The following BOC variants were observed in gnomAD, a reference collection of about 807,000 sequenced individuals.
BOC encodes the protein brother of CDO.
Under a neutral mutation model 112.0 loss-of-function variants are expected in BOC, and 76 were observed. The observed-to-expected ratio is 0.68, with a 90% CI of 0.56 to 0.82. The LOEUF (loss-of-function observed/expected upper bound fraction) is 0.82, where lower values mean the gene tolerates loss of function less well. Ranked by LOEUF, BOC falls within the 40% of genes least tolerant of loss-of-function variation. The probability of loss-of-function intolerance (pLI) is 0.00; values close to 1 mark genes in which losing one functional copy is unlikely to be tolerated. For missense variants in BOC, 1,309 were observed against 1,511.7 expected, an observed-to-expected ratio of 0.87 and a Z score of 2.22; for synonymous variants, 580 against 599.8, an observed-to-expected ratio of 0.97 and a Z score of 0.48.
In BOC at chr3:113,283,564, T is replaced by C. The variant is rs752295890; in HGVS notation, c.2588T>C (p.Leu863Pro). ...DLPYLIVGVV[L>P]GSIVLIIVTF... ...CCCTATCTGATTGTCGGGGTCGTCC[T>C]GGGCTCCATCGTTCTCATCATCGTC... The change falls in exon 16 of 20, where the codon CTG (leucine) becomes CCG (proline). Residue 863 changes from leucine to proline, a missense_variant. Leu to Pro is a moderately conservative substitution (Grantham distance 98). Coordinates refer to ENST00000682979, the MANE Select transcript of BOC (RefSeq NM_001378074.1). 1.2e-6 allele frequency: 2 copies of C among 1,613,954 alleles called. No homozygotes were observed. The highest frequency in any genetic ancestry group is 1.1e-5 in the South Asian group (1 of 91,058).
At chr3:113,265,356 AG>A (rs1268484881) in intron 4 of BOC, among the ~76,000 whole-genome samples, 1 of 151,542 alleles carries the variant, frequency 6.6e-6, no homozygotes, top group African/African-American at 2.4e-5. Context: ...GAAAAGGAGG[AG>A]GAAAAAAAAA....
intron 4 of BOC, among the ~76,000 whole-genome samples, chr3:113,262,550 C>A (rs1463778438): frequency 6.6e-6 from 1 of 152,148 alleles, no homozygotes; most frequent in Non-Finnish European, 1.5e-5. Context: ...AATACTTAGT[C>A]ACTACCCCAA....
chr3:113,220,094 T>C (rs1451268074), intron 2 of BOC, among the ~76,000 whole-genome samples: 1 of 152,102 alleles, frequency 6.6e-6, no homozygotes, highest in Non-Finnish European at 1.5e-5. Flanking sequence ...TGGCAGCTTG[T>C]ACAGAAAACA....
intron 2 of BOC, among the ~76,000 whole-genome samples, chr3:113,247,312 A>T (rs966321957): frequency 2.6e-5 from 4 of 152,168 alleles, no homozygotes; most frequent in Non-Finnish European, 5.9e-5. Context: ...GCAATGATCT[A>T]TATAAATACC....
chr3:113,229,057 G>C (rs1277298362), intron 2 of BOC, among the ~76,000 whole-genome samples: 1 of 152,244 alleles, frequency 6.6e-6, no homozygotes, highest in Non-Finnish European at 1.5e-5. Flanking sequence ...GCAGCAGGCA[G>C]CTTCATTCCT....
At position 113,270,944 on chromosome 3, in the gene BOC, C is replaced by T. The variant is rs373085312; in HGVS notation, c.667C>T (p.Arg223Cys). 117 of 1,614,016 alleles carry T rather than the reference C, an allele frequency of 7.2e-5. No individual in the cohort carries two copies. Among genetic ancestry groups the T allele is most frequent in the Non-Finnish European group, 9.4e-5 (111 of 1,180,038 alleles). The change falls in exon 6 of 20, where the codon CGC becomes TGC. Residue 223 changes from arginine (R) to cysteine (C), a missense_variant and splice_region_variant. Physicochemically the swap from Arg to Cys is radical, Grantham distance 180 (BLOSUM62 -3). Coordinates refer to ENST00000682979, the MANE Select transcript of BOC (RefSeq NM_001378074.1). ...CTCCAGCGACAGGCTACGTGTGCGC[C>T]GTAAGGCCCGGGCCCACCTGCTGGG... ...SGSSDRLRVR[R>C]STAEAARIIY...
At chr3:113,259,085 A>C (rs1429026027) in intron 4 of BOC, among the ~76,000 whole-genome samples, 1 of 152,232 alleles carries the variant, frequency 6.6e-6, no homozygotes, top group Non-Finnish European at 1.5e-5. Flanking sequence ...GTACCCAGAC[A>C]GATCCGTGGT....
In BOC at chr3:113,283,589, C is replaced by T. The variant is rs202234634; in HGVS notation, c.2613C>T (p.Val871=). The change falls in exon 16 of 20, where the codon GTC becomes GTT. Residue 871 remains valine (V), a synonymous_variant. Coordinates refer to ENST00000682979, the MANE Select transcript of BOC (RefSeq NM_001378074.1). The part of the protein sequence containing the change: ...VVLGSIVLII[V]TFIPFCLWRA... ...TGGGCTCCATCGTTCTCATCATCGT[C>T]ACCTTCATCCCCTTCTGCTTGTGGA... is the stretch of plus-strand genomic sequence containing the variant. The T allele has an allele frequency of 5.2e-4, 835 of 1,613,824 alleles. 11 individuals are homozygous for T. The highest frequency in any genetic ancestry group is 4.5e-3 in the South Asian group (413 of 91,034).
rs1329223695 is a variant in BOC, at chr3:113,270,808, C to A, written c.531C>A (p.Tyr177Ter). Residue 177 changes from tyrosine to a stop codon, truncating the protein, a stop_gained, in exon 6 of 20, where the codon TAC becomes TAA. Coordinates refer to ENST00000682979, the MANE Select transcript of BOC (RefSeq NM_001378074.1). LOFTEE classifies it high-confidence loss of function. ...QEWLEASRGN[Y>*]LIMPSGNLQI... ...GCCCTGCCCTTTCCACAGGTAACTACCTGATCATGCCCTCAGGGAACCTCC... is the reference window on the plus strand; with the variant it reads ...GCCCTGCCCTTTCCACAGGTAACTAACTGATCATGCCCTCAGGGAACCTCC... 3 of 1,611,446 alleles carry A rather than the reference C, an allele frequency of 1.9e-6. No individual in the cohort carries two copies. The highest frequency in any genetic ancestry group is 2.5e-6 in the Non-Finnish European group (3 of 1,178,652).
chr3:113,225,279 A>G (rs1420101180), intron 2 of BOC, among the ~76,000 whole-genome samples: 2 of 150,814 alleles, frequency 1.3e-5, no homozygotes, highest in East Asian at 3.9e-4. Flanking sequence ...GTCAAAAAAA[A>G]AAACAACAAA....
intron 2 of BOC, among the ~76,000 whole-genome samples, chr3:113,240,866 C>A (rs1225489530): frequency 6.6e-6 from 1 of 152,142 alleles, no homozygotes; most frequent in Non-Finnish European, 1.5e-5. Flanking sequence ...TGACTTCCAG[C>A]AGATATACTT....
intron 4 of BOC, among the ~76,000 whole-genome samples, chr3:113,254,579 C>T (rs185147853): frequency 4.1e-4 from 63 of 152,334 alleles, no homozygotes; most frequent in African/African-American, 1.4e-3. Flanking sequence ...ACGGGATTAC[C>T]GAAGGCACGG....
chr3:113,265,496 C>G (rs112367600), intron 4 of BOC, among the ~76,000 whole-genome samples: 2 of 152,186 alleles, frequency 1.3e-5, no homozygotes, highest in African/African-American at 2.4e-5. Context: ...ATTCACAGCT[C>G]GCTTTGTGGG....
At chr3:113,250,963 A>G (rs1945558898) in intron 4 of BOC, 130 bp downstream of exon 4, 2 of 1,205,154 alleles carry the variant, frequency 1.7e-6, no homozygotes, top group Non-Finnish European at 2.3e-6. Flanking sequence ...AGAAATGTCA[A>G]ATCAGAACAG....
At chr3:113,286,256 C>T (rs1034673127) in intron 19 of BOC, among the ~76,000 whole-genome samples, 2 of 152,176 alleles carry the variant, frequency 1.3e-5, no homozygotes, top group African/African-American at 4.8e-5. Flanking sequence ...GGTCCTAAAG[C>T]TCGACCCAGC....
intron 4 of BOC, among the ~76,000 whole-genome samples, chr3:113,261,512 G>A (rs997680915): frequency 1.3e-5 from 2 of 152,242 alleles, no homozygotes; most frequent in African/African-American, 4.8e-5. Flanking sequence ...AGATGAGATG[G>A]TCTACAGACC....
At position 113,278,314 on chromosome 3, in the gene BOC, C is replaced by T; in HGVS notation, c.1705+57C>T. On this transcript the variant is annotated intron_variant, in intron 10 of 19. Transcript: ENST00000682979. The surrounding 1 kb of genome is among the most constrained non-coding windows in gnomAD (Gnocchi z 4.2). ...TTTCCGTGGGTCTAAGCAAGTTCCA[C>T]TGGCCCAGGTGAGAATTCCTGCTCA... 3 of 1,573,728 alleles carry T rather than the reference C, an allele frequency of 1.9e-6. No individual in the cohort carries two copies. The highest frequency in any genetic ancestry group is 2.6e-6 in the Non-Finnish European group (3 of 1,149,092).
At chr3:113,215,291 AG>A (rs1939138175) in intron 1 of BOC, among the ~76,000 whole-genome samples, 1 of 152,192 alleles carries the variant, frequency 6.6e-6, no homozygotes, top group South Asian at 2.1e-4. Context: ...TGGAGCCCTC[AG>A]GGTTGGTAAC....
At chr3:113,256,229 A>G (rs1258340164) in intron 4 of BOC, among the ~76,000 whole-genome samples, 1 of 152,134 alleles carries the variant, frequency 6.6e-6, no homozygotes, top group Non-Finnish European at 1.5e-5. Context: ...GACCCTTAGG[A>G]AGACAGTCCA....
Sources: gnomAD v4.1 joint callset for allele counts (sites outside exome capture counted in the v4.1 genomes callset) on GRCh38, gnomAD v4.1.1 for gene constraint, Gnocchi (gnomAD v3.1) non-coding constraint, MANE v1.5 for transcripts, NCBI Gene and HGNC (gene_info 2026-07-23, HGNC 2026-07-21) for gene names.